The following C10orf90 variants were observed in gnomAD, a reference collection of about 807,000 sequenced individuals.
The protein encoded by C10orf90 is chromosome 10 open reading frame 90.
C10orf90 carries 56 observed loss-of-function variants against 62.5 expected under a neutral mutation model. The ratio of observed to expected loss-of-function variants is 0.90; its 90% CI spans 0.72 to 1.12. The LOEUF (loss-of-function observed/expected upper bound fraction) is 1.12. C10orf90 is among the 50% of genes most tolerant of loss of function. The pLI, the probability that C10orf90 is intolerant of heterozygous loss-of-function variation, is 0.00. For synonymous variants in C10orf90, 386 were observed against 340.4 expected (o/e 1.13, Z -1.47); for missense variants, 970 against 880.4 (o/e 1.10, Z -1.29).
chr10:126,428,700 G>T (rs960242769), intron 8 of C10orf90, among the ~76,000 whole-genome samples: 4 of 152,130 alleles, frequency 2.6e-5, no homozygotes, highest in Non-Finnish European at 4.4e-5. Context: ...GGTGGCTTTG[G>T]GTTTGGGGAC....
intron 4 of C10orf90, among the ~76,000 whole-genome samples, chr10:126,494,057 G>C (rs1861907499): frequency 6.6e-6 from 1 of 152,184 alleles, no homozygotes; most frequent in Admixed American, 6.5e-5. Flanking sequence ...GAAGGTTCAG[G>C]AGAGGATGTC....
intron 1 of C10orf90, among the ~76,000 whole-genome samples, chr10:126,665,782 GA>G (rs1277636477): frequency 2.0e-5 from 3 of 152,122 alleles, no homozygotes; most frequent in Non-Finnish European, 4.4e-5. Context: ...GGTAGAGACG[GA>G]AATTAGAGAG....
intron 3 of C10orf90, among the ~76,000 whole-genome samples, chr10:126,512,535 C>T (rs1863191562): frequency 6.6e-6 from 1 of 152,044 alleles, no homozygotes; most frequent in Non-Finnish European, 1.5e-5. Flanking sequence ...TTTGCCAGCT[C>T]GGTGTGAAAA....
chr10:126,477,453 A>T (rs889632371), intron 4 of C10orf90, among the ~76,000 whole-genome samples: 11 of 151,894 alleles, frequency 7.2e-5, no homozygotes, highest in African/African-American at 2.7e-4. Context: ...TACCTGCCAC[A>T]CTCCTTTGTG....
chr10:126,523,575 C>G (rs961596163), intron 2 of C10orf90: 1 of 152,152 alleles, frequency 6.6e-6, no homozygotes, highest in African/African-American at 2.4e-5. Flanking sequence ...TTTTTGAAAC[C>G]TGTGATAAAA....
intron 2 of C10orf90, among the ~76,000 whole-genome samples, chr10:126,542,502 C>T (rs1049997188): frequency 2.7e-5 from 4 of 149,886 alleles, no homozygotes; most frequent in African/African-American, 7.4e-5. Context: ...GACTCTGTCT[C>T]GAAAAATAAA....
At chr10:126,609,267 G>T (rs924969571) in intron 2 of C10orf90, among the ~76,000 whole-genome samples, 3 of 152,158 alleles carry the variant, frequency 2.0e-5, no homozygotes, top group African/African-American at 7.2e-5. Context: ...GCCAGGCATG[G>T]TGGTGGGCAT....
chr10:126,501,400 G>A (rs74770413), intron 4 of C10orf90, among the ~76,000 whole-genome samples: 1 of 152,162 alleles, frequency 6.6e-6, no homozygotes, highest in Admixed American at 6.5e-5. Context: ...AGGGGTGCAC[G>A]TGTAGGTGAA....
At chr10:126,626,268 C>T (rs1564898324) in intron 2 of C10orf90, among the ~76,000 whole-genome samples, 1 of 152,170 alleles carries the variant, frequency 6.6e-6, no homozygotes, top group African/African-American at 2.4e-5. Flanking sequence ...GCTCTGTCCA[C>T]CCCCTCAGGA....
chr10:126,645,852 C>CG (rs1846160396), intron 2 of C10orf90, among the ~76,000 whole-genome samples: 1 of 152,138 alleles, frequency 6.6e-6, no homozygotes, highest in South Asian at 2.1e-4. Context: ...ATCTCATGCA[C>CG]TTTTCATCTA....
At chr10:126,644,547 A>G (rs1025160855) in intron 2 of C10orf90, among the ~76,000 whole-genome samples, 3 of 152,222 alleles carry the variant, frequency 2.0e-5, no homozygotes, top group African/African-American at 7.2e-5. Flanking sequence ...TGGCAGACTA[A>G]AAAAAGAGAT....
At chr10:126,464,559 C>T (rs1381514541) in intron 5 of C10orf90, 137 bp downstream of exon 5, 2 of 1,016,112 alleles carry the variant, frequency 2.0e-6, no homozygotes, top group Non-Finnish European at 2.9e-6. Flanking sequence ...TTTGTCCCCT[C>T]TCTGCTCTCC....
intron 2 of C10orf90, among the ~76,000 whole-genome samples, chr10:126,532,811 C>A (rs1370466274): frequency 2.2e-5 from 1 of 46,360 alleles, no homozygotes; most frequent in Non-Finnish European, 3.8e-5. Flanking sequence ...CACTCCAGCT[C>A]CAGTCTGGGC....
intron 2 of C10orf90, among the ~76,000 whole-genome samples, chr10:126,559,730 C>G (rs377094759): frequency 6.6e-6 from 1 of 152,296 alleles, no homozygotes; most frequent in South Asian, 2.1e-4. Flanking sequence ...AACCAAGAAA[C>G]CTCACCTTGT....
At position 126,505,041 on chromosome 10, in the gene C10orf90, G is replaced by A; in HGVS notation, c.450C>T (p.Val150=). 1 of 1,611,712 alleles carries A rather than the reference G, an allele frequency of 6.2e-7. No individual in the cohort carries two copies. The highest frequency in any genetic ancestry group is 8.5e-7 in the Non-Finnish European group (1 of 1,179,166). Residue 150 remains valine, a synonymous_variant, in exon 4 of 10, where the codon GTC becomes GTT. Coordinates refer to ENST00000488181, the MANE Select transcript of C10orf90 (RefSeq NM_001350921.2). ...TATTCTCATCAATCATCTGGGAGAT[G>A]ACTATGGATGAAATCATTTTTGTGT... ...SQNTKMISSI[V]ISQMIDENKS... is the part of the protein sequence containing the mutation.
intron 2 of C10orf90, among the ~76,000 whole-genome samples, chr10:126,600,926 A>G (rs919337489): frequency 1.6e-4 from 24 of 152,226 alleles, no homozygotes; most frequent in African/African-American, 5.5e-4. Context: ...TAGCCAAGAT[A>G]TGGAAACAGC....
intron 2 of C10orf90, among the ~76,000 whole-genome samples, chr10:126,627,557 G>GA (rs964342044): frequency 2.0e-4 from 29 of 146,102 alleles, no homozygotes; most frequent in Admixed American, 4.1e-4. Flanking sequence ...AGGTTAAAAG[G>GA]AAAAAAAAAA....
rs1864947525 is a variant in C10orf90 at position 126,563,377 on chromosome 10, C to A, written c.314-49438G>T. 1.3e-5 allele frequency among the ~76,000 whole-genome samples: 2 copies of A among 152,204 alleles called. 1 individual carries two copies. The highest frequency in any genetic ancestry group is 2.9e-5 in the Non-Finnish European group (2 of 68,046). On this transcript the variant is annotated intron_variant, in intron 2 of 9. Transcript: ENST00000488181. ...CCTGGGCAGCCCAGGCCAAGCCCTG[C>A]CTTAGCTTGATCAGGGTTTAACCAG...
intron 3 of C10orf90, among the ~76,000 whole-genome samples, chr10:126,509,827 G>C (rs1465758509): frequency 1.3e-5 from 2 of 152,162 alleles, no homozygotes; most frequent in Non-Finnish European, 2.9e-5. Context: ...AATGATTGAA[G>C]ATAAGGTCCA....
Sources: gnomAD v4.1 joint callset for allele counts (sites outside exome capture counted in the v4.1 genomes callset) on GRCh38, gnomAD v4.1.1 for gene constraint, MANE v1.5 for transcripts, NCBI Gene and HGNC (gene_info 2026-07-23, HGNC 2026-07-21) for gene names.